Variants in ADGRG4 observed in about 807,000 individuals in gnomAD.
The protein encoded by ADGRG4 is adhesion G protein-coupled receptor G4, also known as G protein-coupled receptor 112.
Under a neutral mutation model 126.2 loss-of-function variants are expected in ADGRG4, and 122 were observed. The observed-to-expected ratio is 0.97, with a 90% CI of 0.83 to 1.12. The LOEUF (loss-of-function observed/expected upper bound fraction) is 1.12. Among genes scored for constraint, ADGRG4 ranks in the 50% most tolerant of loss-of-function variants. The pLI is 0.00. For synonymous variants in ADGRG4, 943 were observed against 838.7 expected, an observed-to-expected ratio of 1.12 and a Z score of -2.15; for missense variants, 2,481 against 2,251.8, an observed-to-expected ratio of 1.10 and a Z score of -2.06.
At chrX:136,416,001 C>T (rs961234706) in intron 25 of ADGRG4, among the ~76,000 whole-genome samples, 2 of 111,997 alleles carry the variant, frequency 1.8e-5, no homozygotes, top group Non-Finnish European at 3.8e-5. Context: ...CTAGTGACAG[C>T]CAGAAGCTTG....
intron 1 of ADGRG4, 127 bp downstream of exon 1, chrX:136,301,127 G>A (rs1230243487): frequency 8.9e-6 from 1 of 112,175 alleles, no homozygotes; most frequent in Non-Finnish European, 1.9e-5. Context: ...GGGTCAAATG[G>A]TATTTCTAGT....
At chrX:136,337,989 A>G (rs948036309) in intron 5 of ADGRG4, among the ~76,000 whole-genome samples, 4 of 110,131 alleles carry the variant, frequency 3.6e-5, no homozygotes, top group Non-Finnish European at 7.6e-5. Flanking sequence ...GGCTGTCTTC[A>G]TTTTTCTTTT....
At chrX:136,410,962 A>C (rs1372550247) in intron 23 of ADGRG4, among the ~76,000 whole-genome samples, 1 of 112,403 alleles carries the variant, frequency 8.9e-6, no homozygotes, top group Non-Finnish European at 1.9e-5. Context: ...TTGTAATGGA[A>C]CATAAATATA....
At chrX:136,332,333 A>T (rs1273125716) in intron 5 of ADGRG4, among the ~76,000 whole-genome samples, 1 of 105,473 alleles carries the variant, frequency 9.5e-6, no homozygotes, top group East Asian at 3.0e-4. Context: ...AAGGACATGA[A>T]CTCATCATTT....
intron 24 of ADGRG4, among the ~76,000 whole-genome samples, chrX:136,413,091 TA>T (rs1207058748): frequency 9.1e-5 from 10 of 110,402 alleles, no homozygotes; most frequent in Non-Finnish European, 1.1e-4. Flanking sequence ...TTTATTTATT[TA>T]TTTTTTTTAT....
At chrX:136,407,644 T>C (rs1282706040) in intron 23 of ADGRG4, among the ~76,000 whole-genome samples, 2 of 112,354 alleles carry the variant, frequency 1.8e-5, no homozygotes, top group African/African-American at 6.5e-5. Context: ...CATGTTCTAA[T>C]TGGAATGTAA....
At chrX:136,409,608 G>A (rs181002384) in intron 23 of ADGRG4, among the ~76,000 whole-genome samples, 74 of 111,551 alleles carry the variant, frequency 6.6e-4, no homozygotes, top group African/African-American at 2.3e-3. Flanking sequence ...ATTCATCCCC[G>A]CAGTTGTTTG....
At chrX:136,393,956 A>G (rs938971191) in intron 18 of ADGRG4, among the ~76,000 whole-genome samples, 1 of 111,959 alleles carries the variant, frequency 8.9e-6, no homozygotes, top group Admixed American at 9.5e-5. Flanking sequence ...GGAAGAAAGA[A>G]ATTTGGAAGG....
At chrX:136,321,835 A>G (rs796869061) in intron 4 of ADGRG4, among the ~76,000 whole-genome samples, 7 of 112,325 alleles carry the variant, frequency 6.2e-5, no homozygotes, top group South Asian at 3.7e-4. Context: ...AAGGTTTTGC[A>G]TACATCATCT....
chrX:136,350,592 T>C (rs2075056178), intron 6 of ADGRG4, among the ~76,000 whole-genome samples, 159 bp downstream of exon 6: 1 of 112,188 alleles, frequency 8.9e-6, no homozygotes, highest in Non-Finnish European at 1.9e-5. Flanking sequence ...GAGTACCTTG[T>C]CCAAATACAA....
chrX:136,378,772 T>A (rs906774298), intron 15 of ADGRG4, among the ~76,000 whole-genome samples: 3 of 111,966 alleles, frequency 2.7e-5, no homozygotes, highest in Non-Finnish European at 5.6e-5. Context: ...TTCCTCTTTA[T>A]CCTCTTAATA....
intron 5 of ADGRG4, among the ~76,000 whole-genome samples, chrX:136,325,741 C>T (rs1233364486): frequency 1.0e-5 from 1 of 96,357 alleles, no homozygotes. Flanking sequence ...GATGGAGTCT[C>T]GCTGCGACAC....
chrX:136,407,889 T>TTCTA (rs1363877950), intron 23 of ADGRG4, among the ~76,000 whole-genome samples: 1 of 111,950 alleles, frequency 8.9e-6, no homozygotes, highest in Non-Finnish European at 1.9e-5. Context: ...CACTACAGTA[T>TTCTA]TCTAACCCGA....
intron 4 of ADGRG4, among the ~76,000 whole-genome samples, chrX:136,310,151 T>C (rs1017020217): frequency 2.7e-5 from 3 of 110,002 alleles, no homozygotes; most frequent in African/African-American, 9.9e-5. Context: ...TTATTGTTAT[T>C]ATTATTATTA....
chrX:136,306,936 G>A (rs142185281), intron 3 of ADGRG4, among the ~76,000 whole-genome samples: 3,078 of 110,344 alleles, frequency 0.028, 100 homozygotes, highest in African/African-American at 0.094. Context: ...CTGGTTTCGA[G>A]CTCCTGGCCT....
rs767666400 is a variant in ADGRG4 at position 136,383,881 on chromosome X, C to CCTTTCCTTTCCT, written c.7777-3859_7777-3858insCTTTCCTTTCCT. Among the ~76,000 whole-genome samples, 52 of 52,457 alleles carry CCTTTCCTTTCCT rather than the reference C, an allele frequency of 9.9e-4. 1 individual carries two copies. Among genetic ancestry groups the CCTTTCCTTTCCT allele is most frequent in the Middle Eastern group, 8.7e-3 (1 of 115 alleles). 45.6% of individuals were successfully genotyped at this position (52,457 alleles called of 115,157 possible). On this transcript the variant is annotated intron_variant, in intron 15 of 25. Transcript: ENST00000394143. ...TTCTTTCTTTCTTTCTTTCTTCTTT[C>CCTTTCCTTTCCT]TTCCTTTCCTTTCCTTTCCTTTCCT...
In ADGRG4 at chrX:136,393,441, A is replaced by G. The variant is rs371909767; in HGVS notation, c.8035-94A>G. The G allele has an allele frequency of 4.0e-5, 29 of 725,930 alleles. No individual in the cohort carries two copies. The African/African-American group carries it at 5.3e-4, about 13-fold the overall frequency. The allele number at this position is 725,930 out of a possible 1,213,427, so 59.8% of individuals were successfully genotyped here. A position where few individuals can be genotyped will look rare whatever the true frequency, so the allele number is the denominator to read the frequency against. ...TCAGTGTGTGCATGTTTACCATGGG[A>G]AAAAATATTGGGAAGAAAACACTTA... On this transcript the variant is annotated intron_variant, in intron 17 of 25. Transcript: ENST00000394143.
At chrX:136,371,076 A>G (rs1242059074) in intron 13 of ADGRG4, among the ~76,000 whole-genome samples, 5 of 111,792 alleles carry the variant, frequency 4.5e-5, no homozygotes, top group Non-Finnish European at 9.4e-5. Flanking sequence ...CAGGGACAAA[A>G]CGATTTCCCT....
chrX:136,363,488 T>A lies in ADGRG4; in HGVS notation c.7289T>A (p.Ile2430Asn), dbSNP rs963789036. Residue 2430 changes from isoleucine (I) to asparagine (N), a missense_variant, in exon 13 of 26, where the codon ATC (isoleucine) becomes AAC (asparagine). By Grantham distance (149) the Ile-to-Asn change is moderately radical (BLOSUM62 -3). Transcript: ENST00000394143. ...GNATRFCSIS[I>N]NTGKSQWEKP... Reference sequence around the variant, plus strand: ...CCTCTCTTTTTCAGTTCAATCAGCATCAACACGGGCAAATCTCAGTGGGAA... The same window carrying A: ...CCTCTCTTTTTCAGTTCAATCAGCAACAACACGGGCAAATCTCAGTGGGAA... 3.0e-5 allele frequency: 35 copies of A among 1,181,671 alleles called. No individual in the cohort carries two copies. Among genetic ancestry groups the A allele is most frequent in the Middle Eastern group, 2.3e-4 (1 of 4,301 alleles).
Sources: gnomAD v4.1 joint callset for allele counts (sites outside exome capture counted in the v4.1 genomes callset) on GRCh38, gnomAD v4.1.1 for gene constraint, MANE v1.5 for transcripts, NCBI Gene and HGNC (gene_info 2026-07-23, HGNC 2026-07-21) for gene names.